The following NAALADL2 variants were observed in gnomAD, a reference collection of about 807,000 sequenced individuals.
NAALADL2 encodes inactive N-acetylated-alpha-linked acidic dipeptidase-like protein 2.
A neutral mutation model predicts 87.2 loss-of-function variants in NAALADL2; 76 were observed. The observed-to-expected ratio is 0.87, with a 90% CI of 0.72 to 1.05. The LOEUF is 1.05. NAALADL2 is among the 50% of genes least tolerant of loss of function. The probability of loss-of-function intolerance (pLI) is 0.00; values close to 1 mark genes in which losing one functional copy is unlikely to be tolerated. For synonymous variants in NAALADL2, 354 were observed against 331.0 expected, an observed-to-expected ratio of 1.07 and a Z score of -0.75; for missense variants, 1,089 against 945.8, an observed-to-expected ratio of 1.15 and a Z score of -1.99.
chr3:174,602,023 G>A (rs1045001298), intron 2 of NAALADL2, among the ~76,000 whole-genome samples: 2 of 152,080 alleles, frequency 1.3e-5, no homozygotes, highest in African/African-American at 2.4e-5. Context: ...TTTTATACCA[G>A]TACCCTGGCA....
At chr3:174,574,169 A>G (rs1171150614) in intron 2 of NAALADL2, among the ~76,000 whole-genome samples, 2 of 152,174 alleles carry the variant, frequency 1.3e-5, no homozygotes, top group African/African-American at 4.8e-5. Context: ...CAATTGATAT[A>G]GTTTTCTGAA....
At chr3:175,333,938 C>A (rs1348804652) in intron 5 of NAALADL2, among the ~76,000 whole-genome samples, 1 of 152,108 alleles carries the variant, frequency 6.6e-6, no homozygotes, top group African/African-American at 2.4e-5. Context: ...ATATCACATG[C>A]ATCACCATAT....
At chr3:175,119,550 A>T (rs965149700) in intron 2 of NAALADL2, among the ~76,000 whole-genome samples, 1 of 150,992 alleles carries the variant, frequency 6.6e-6, no homozygotes, top group Non-Finnish European at 1.5e-5. Flanking sequence ...GAGTGAGAAG[A>T]GGAGGTAAGG....
chr3:174,695,857 C>T (rs761484598), intron 2 of NAALADL2, among the ~76,000 whole-genome samples: 3 of 151,952 alleles, frequency 2.0e-5, no homozygotes, highest in Non-Finnish European at 2.9e-5. Flanking sequence ...TCATAGCCTG[C>T]AAAAGTAACA....
At chr3:175,501,422 T>TACACACACACACACACACACACAC (rs1212804753) in intron 9 of NAALADL2, among the ~76,000 whole-genome samples, 1 of 15,244 alleles carries the variant, frequency 6.6e-5, no homozygotes, top group African/African-American at 2.8e-4. Context: ...CCATACGTTT[T>TACACACACACACACACACACACAC]AGACACACAC....
At chr3:175,464,245 C>A (rs1473410202) in intron 7 of NAALADL2, among the ~76,000 whole-genome samples, 3 of 151,812 alleles carry the variant, frequency 2.0e-5, no homozygotes, top group Non-Finnish European at 4.4e-5. Context: ...TGGTCCATTG[C>A]CAAATTTGTC....
intron 2 of NAALADL2, among the ~76,000 whole-genome samples, chr3:175,117,450 A>G (rs986487994): frequency 6.6e-6 from 1 of 152,156 alleles, no homozygotes; most frequent in African/African-American, 2.4e-5. Context: ...AAAGTGGGCA[A>G]AGGATATGAA....
intron 5 of NAALADL2, among the ~76,000 whole-genome samples, chr3:175,430,789 A>C (rs867529838): frequency 4.9e-4 from 75 of 152,082 alleles, no homozygotes; most frequent in African/African-American, 1.6e-3. Flanking sequence ...ACTATAATGC[A>C]GATTTAGACT....
chr3:175,351,634 G>A (rs1208723191), intron 5 of NAALADL2, among the ~76,000 whole-genome samples: 1 of 152,068 alleles, frequency 6.6e-6, no homozygotes, highest in Admixed American at 6.6e-5. Flanking sequence ...TATTGGACTG[G>A]CAGGAAAGCT....
chr3:175,605,043 T>C (rs78215727), intron 10 of NAALADL2, among the ~76,000 whole-genome samples: 3,936 of 152,242 alleles, frequency 0.026, 90 homozygotes, highest in Admixed American at 0.07. Flanking sequence ...ATCATAAAAA[T>C]TGTTCATTCT....
chr3:174,608,156 C>T (rs1719336195), intron 2 of NAALADL2, among the ~76,000 whole-genome samples: 1 of 151,624 alleles, frequency 6.6e-6, no homozygotes, highest in South Asian at 2.1e-4. Context: ...CTCTGGGACA[C>T]ATTCAAAGCA....
chr3:175,362,769 T>C (rs1172558211), intron 5 of NAALADL2, among the ~76,000 whole-genome samples: 4 of 148,112 alleles, frequency 2.7e-5, no homozygotes, highest in Non-Finnish European at 6.0e-5. Flanking sequence ...CTGTTTTCCA[T>C]AGTGGTTGTA....
intron 2 of NAALADL2, among the ~76,000 whole-genome samples, chr3:174,679,939 C>T (rs1023283541): frequency 2.6e-5 from 4 of 151,938 alleles, no homozygotes; most frequent in African/African-American, 9.7e-5. Flanking sequence ...CTTTGAAAAG[C>T]GTGAAAATTG....
intron 1 of NAALADL2, among the ~76,000 whole-genome samples, chr3:175,029,168 T>C (rs1265771578): frequency 6.6e-6 from 1 of 151,930 alleles, no homozygotes; most frequent in East Asian, 1.9e-4. Context: ...GAACAAAAGA[T>C]GTATGGTGGA....
intron 11 of NAALADL2, among the ~76,000 whole-genome samples, chr3:175,636,576 G>A (rs1728578404): frequency 6.6e-6 from 1 of 151,678 alleles, no homozygotes; most frequent in African/African-American, 2.4e-5. Context: ...GCGGGTGCCT[G>A]TAATCCCAGT....
At chr3:174,758,251 T>C (rs1712405123) in intron 3 of NAALADL2, among the ~76,000 whole-genome samples, 1 of 152,242 alleles carries the variant, frequency 6.6e-6, no homozygotes, top group South Asian at 2.1e-4. Flanking sequence ...CAAATTATGT[T>C]ATGTATTTTA....
At chr3:175,594,290 G>T (rs1040303241) in intron 10 of NAALADL2, among the ~76,000 whole-genome samples, 1 of 152,000 alleles carries the variant, frequency 6.6e-6, no homozygotes, top group Non-Finnish European at 1.5e-5. Flanking sequence ...TAGAATGATG[G>T]TCTCCAGTTC....
At chr3:174,897,807 T>A (rs974261954) in intron 1 of NAALADL2, among the ~76,000 whole-genome samples, 8 of 152,022 alleles carry the variant, frequency 5.3e-5, no homozygotes, top group Admixed American at 3.9e-4. Flanking sequence ...GGAGTCCTAT[T>A]CAGCCATAAA....
chr3:174,859,114 T>C (rs1028644699), upstream of NAALADL2, among the ~76,000 whole-genome samples: 1 of 152,148 alleles, frequency 6.6e-6, no homozygotes, highest in African/African-American at 2.4e-5. Context: ...AATATGTTTC[T>C]GGACTAAAGT....
Sources: gnomAD v4.1 joint callset for allele counts (sites outside exome capture counted in the v4.1 genomes callset) on GRCh38, gnomAD v4.1.1 for gene constraint, MANE v1.5 for transcripts, NCBI Gene and HGNC (gene_info 2026-07-23, HGNC 2026-07-21) for gene names.